The following STRN3 variants were observed in gnomAD, a reference collection of about 807,000 sequenced individuals.
The protein encoded by STRN3 is striatin-3.
Under a neutral mutation model 95.6 loss-of-function variants are expected in STRN3, and 29 were observed. The observed-to-expected ratio is 0.30, with a 90% confidence interval of 0.23 to 0.41. The LOEUF (loss-of-function observed/expected upper bound fraction) is 0.41, where lower values mean the gene tolerates loss of function less well. STRN3 is among the 10% of genes least tolerant of loss of function. The pLI, the probability that STRN3 is intolerant of heterozygous loss-of-function variation, is 1.00. For missense variants in STRN3, 890 were observed against 972.1 expected (o/e 0.92, Z 1.12); for synonymous variants, 331 against 357.6 (o/e 0.93, Z 0.84).
chr14:30,956,355 T>C (rs1481280825), intron 1 of STRN3, 113 bp from the exon 2 acceptor site: 47 of 1,006,750 alleles, frequency 4.7e-5, no homozygotes, highest in Non-Finnish European at 4.3e-5. Context: ...ATATCAAGAT[T>C]TTAAATTCAT....
intron 1 of STRN3, among the ~76,000 whole-genome samples, chr14:30,966,207 A>C (rs1173417859): frequency 6.6e-6 from 1 of 152,226 alleles, no homozygotes; most frequent in Non-Finnish European, 1.5e-5. Context: ...ACAACACGGC[A>C]GCAAAGGGTC....
intron 6 of STRN3, among the ~76,000 whole-genome samples, chr14:30,935,942 T>C (rs547639638): frequency 2.0e-5 from 3 of 152,350 alleles, no homozygotes; most frequent in South Asian, 4.1e-4. Context: ...GTTGAAATGC[T>C]GTACACTACT....
rs569820660 is a variant in STRN3 at position 30,968,558 on chromosome 14, T to C, written c.283-12316A>G. Among the ~76,000 whole-genome samples the C allele has an allele frequency of 2.8e-3, 419 of 151,676 alleles. 1 individual carries two copies. Among genetic ancestry groups the C allele is most frequent in the Non-Finnish European group, 3.7e-3 (249 of 67,926 alleles). On this transcript the variant is annotated intron_variant, in intron 1 of 17. Transcript: ENST00000357479. ...AGCCGGGCATGGTGGCGGGTGCCTG[T>C]AGCCCCACCTACTCAGGAGGCTGAG...
At chr14:30,932,725 A>G (rs1878604568) in intron 7 of STRN3, among the ~76,000 whole-genome samples, 1 of 152,216 alleles carries the variant, frequency 6.6e-6, no homozygotes. Flanking sequence ...TACATAATAT[A>G]GAAACTATTA....
intron 1 of STRN3, among the ~76,000 whole-genome samples, chr14:30,960,988 G>A (rs1033232182): frequency 8.6e-5 from 13 of 151,760 alleles, no homozygotes; most frequent in Admixed American, 5.3e-4. Context: ...ACGCAGGACA[G>A]TAATGCTTTT....
rs143882426 is a variant in STRN3, at chr14:31,017,580, T to A, written c.282+8324A>T. On this transcript the variant is annotated intron_variant, in intron 1 of 17. Coordinates refer to ENST00000357479, the MANE Select transcript of STRN3 (RefSeq NM_001083893.2). ...TTACAAACTCATTGTATTGAGGGAC[T>A]TGAGCATCTGAGGATTTTGTATCCT... is the stretch of plus-strand genomic sequence containing the variant. 2.9e-3 allele frequency among the ~76,000 whole-genome samples: 441 copies of A among 152,184 alleles called. 4 individuals are homozygous for A. The highest frequency in any genetic ancestry group is 0.01 in the African/African-American group (420 of 41,512).
rs1883872057 is a variant in STRN3, at chr14:31,026,010, C to A, written c.176G>T (p.Arg59Leu). 6 of 1,548,100 alleles carry A rather than the reference C, an allele frequency of 3.9e-6. No individual in the cohort carries two copies. The highest frequency in any genetic ancestry group is 5.2e-6 in the Non-Finnish European group (6 of 1,146,320). Residue 59 changes from arginine to leucine, a missense_variant, in exon 1 of 18, where the codon CGG becomes CTG. By Grantham distance (102) the Arg-to-Leu change is moderately radical. Transcript: ENST00000357479. ...CCCCGGGATAGTGTACTGCTGCGGC[C>A]GGGACAGCTCGGGGCCTGCCGCGGG... is the stretch of plus-strand genomic sequence containing the variant. ...AGPAAGPELS[R>L]PQQYTIPGIL...
intron 1 of STRN3, among the ~76,000 whole-genome samples, chr14:30,969,424 G>A (rs933077583): frequency 9.2e-5 from 14 of 151,822 alleles, no homozygotes; most frequent in African/African-American, 3.4e-4. Context: ...GCCACAGAGC[G>A]AGACTCTGTC....
At chr14:31,004,033 C>T (rs1882600704) in intron 1 of STRN3, among the ~76,000 whole-genome samples, 1 of 151,970 alleles carries the variant, frequency 6.6e-6, no homozygotes, top group Admixed American at 6.6e-5. Flanking sequence ...CTTGTAATCT[C>T]AGCACTTTGG....
Position 30,955,647 on chromosome 14 carries a change from C to T in STRN3, c.433G>A (p.Asp145Asn). 1.9e-6 allele frequency: 3 copies of T among 1,575,382 alleles called. No homozygotes were observed. The highest frequency in any genetic ancestry group is 1.7e-6 in the Non-Finnish European group (2 of 1,167,982). The stretch of plus-strand genomic sequence containing the variant: ...GACTCAAAGGTTGGCATTTTCAAGT[C>T]ACCTTGGTTCAGTTCCGTGCCATAT... ...LKYGTELNQG[D>N]LKMPTFESEE... The change falls in exon 3 of 18, where the codon GAC becomes AAC. Residue 145 changes from aspartate to asparagine, a missense_variant. Asp to Asn is a conservative substitution (Grantham distance 23, BLOSUM62 1). Around this residue, in one of 3 missense-constraint regions of STRN3, gnomAD observed 526 missense variants for 526.3 expected, o/e 1.00. Transcript: ENST00000357479.
Position 30,977,170 on chromosome 14 carries a change from G to A in STRN3, c.283-20928C>T, listed in dbSNP as rs575390960. On this transcript the variant is annotated intron_variant, in intron 1 of 17. Coordinates refer to ENST00000357479, the MANE Select transcript of STRN3 (RefSeq NM_001083893.2). ...GAACCCAGGAGGCAGAGGCTGCAGT[G>A]AGCAGATATCGTGCCAGTGCACTCC... 1.1e-4 allele frequency among the ~76,000 whole-genome samples: 16 copies of A among 152,252 alleles called. No homozygotes were observed. The East Asian group carries it at 2.9e-3, about 28-fold the overall frequency.
intron 3 of STRN3, among the ~76,000 whole-genome samples, chr14:30,954,062 C>G (rs1332483546): frequency 6.6e-6 from 1 of 152,182 alleles, no homozygotes; most frequent in Non-Finnish European, 1.5e-5. Context: ...GATATTGCCT[C>G]TTCTGCATTT....
chr14:30,995,047 C>A (rs945683806), intron 1 of STRN3, among the ~76,000 whole-genome samples: 2 of 152,118 alleles, frequency 1.3e-5, no homozygotes, highest in African/African-American at 4.8e-5. Context: ...GTTTAAGTGC[C>A]AGAGCACTTT....
intron 8 of STRN3, among the ~76,000 whole-genome samples, chr14:30,925,332 A>G (rs17447314): frequency 6.6e-6 from 1 of 152,146 alleles, no homozygotes; most frequent in South Asian, 2.1e-4. Context: ...TTTAAAAGTC[A>G]AATCTTGAAT....
intron 1 of STRN3, among the ~76,000 whole-genome samples, chr14:30,970,994 C>A (rs1273840993): frequency 6.6e-6 from 1 of 152,222 alleles, no homozygotes; most frequent in Non-Finnish European, 1.5e-5. Flanking sequence ...TGCTATATCC[C>A]AAAATCCGGC....
At chr14:30,989,467 T>C (rs1881847651) in intron 1 of STRN3, among the ~76,000 whole-genome samples, 1 of 152,108 alleles carries the variant, frequency 6.6e-6, no homozygotes, top group Non-Finnish European at 1.5e-5. Flanking sequence ...TTTTTATTTA[T>C]TTATTTATTT....
intron 1 of STRN3, among the ~76,000 whole-genome samples, chr14:30,976,150 A>G (rs1881093665): frequency 6.6e-6 from 1 of 151,400 alleles, no homozygotes; most frequent in Non-Finnish European, 1.5e-5. Context: ...ATAAAATGCC[A>G]GACAGGTTGC....
At position 30,935,301 on chromosome 14, in the gene STRN3, C is replaced by T; in HGVS notation, c.850G>A (p.Gly284Ser). The change falls in exon 7 of 18, where the codon GGT (glycine) becomes AGT (serine). Residue 284 changes from glycine (G) to serine (S), a missense_variant. Physicochemically the swap from Gly to Ser is moderately conservative, Grantham distance 56. Transcript: ENST00000357479. The part of the protein sequence containing the change: ...DKHRMNKHKI[G>S]NEGLAADLTD... ...AGGTCAGCAGCTAAACCTTCATTACCTATCTGTAAATAGAATATAAACCAA... is the reference window on the plus strand; with the variant it reads ...AGGTCAGCAGCTAAACCTTCATTACTTATCTGTAAATAGAATATAAACCAA... 1.2e-6 allele frequency: 2 copies of T among 1,613,528 alleles called. No individual in the cohort carries two copies. The highest frequency in any genetic ancestry group is 1.7e-6 in the Non-Finnish European group (2 of 1,179,704).
At chr14:31,023,843 A>AAC (rs988724966) in intron 1 of STRN3, among the ~76,000 whole-genome samples, 31 of 151,516 alleles carry the variant, frequency 2.0e-4, no homozygotes, top group Non-Finnish European at 4.4e-4. Flanking sequence ...AAAAAAAAAA[A>AAC]AACCAACGCC....
Sources: gnomAD v4.1 joint callset for allele counts (sites outside exome capture counted in the v4.1 genomes callset) on GRCh38, gnomAD v4.1.1 for gene constraint, gnomAD v4.1.1 regional missense constraint, MANE v1.5 for transcripts, NCBI Gene and HGNC (gene_info 2026-07-23, HGNC 2026-07-21) for gene names.